PDIA4: variants seen among roughly 807,000 people sequenced by gnomAD.
PDIA4 encodes protein disulfide-isomerase A4.
Under a neutral mutation model 62.1 loss-of-function variants are expected in PDIA4, and 33 were observed. That is an observed-to-expected ratio of 0.53 (90% CI 0.40 to 0.71). The LOEUF (loss-of-function observed/expected upper bound fraction) is 0.71. Among genes scored for constraint, PDIA4 ranks in the 30% least tolerant of loss-of-function variants. The probability of loss-of-function intolerance (pLI) is 0.00; values close to 1 mark genes in which losing one functional copy is unlikely to be tolerated. For missense variants in PDIA4, 804 were observed against 813.6 expected (o/e 0.99, Z 0.14); for synonymous variants, 341 against 324.1 (o/e 1.05, Z -0.56).
chr7:149,027,509 G>A (rs569294017), intron 1 of PDIA4, among the ~76,000 whole-genome samples: 5 of 152,324 alleles, frequency 3.3e-5, no homozygotes, highest in African/African-American at 1.2e-4. Flanking sequence ...AGGGCAGAGA[G>A]GAAGAAGGTA....
At position 149,004,045 on chromosome 7, in the gene PDIA4, G is replaced by A. The variant is rs1352205376; in HGVS notation, c.1687C>T (p.Pro563Ser). ...TTCTTGGCCAGGCTGTTGTACACGG[G>A]CTCTAGCTGCTTGCAGTGCCCGCAC... Reference protein sequence around the residue: ...PWCGHCKQLEPVYNSLAKKYK... With the variant: ...PWCGHCKQLESVYNSLAKKYK... The change falls in exon 10 of 10, where the codon CCC becomes TCC. Residue 563 changes from proline (P) to serine (S), a missense_variant. Coordinates refer to ENST00000652332, the MANE Select transcript of PDIA4 (RefSeq NM_004911.5). 6.2e-7 allele frequency: 1 copy of A among 1,614,222 alleles called. No individual in the cohort carries two copies. The highest frequency in any genetic ancestry group is 2.2e-5 in the East Asian group (1 of 44,886).
At position 149,028,373 on chromosome 7, in the gene PDIA4, G is replaced by A. The variant is rs750883593; in HGVS notation, c.36C>T (p.Leu12=). ...RPRKAFLLLL[L]LGLVQLLAVA... ...CGGCCAGCAGCTGCACCAGCCCCAA[G>A]AGCAGCAGGAGCAGGAAGGCTTTCC... The change falls in exon 1 of 10, where the codon CTC becomes CTT. Residue 12 remains leucine, a synonymous_variant. Coordinates refer to ENST00000652332, the MANE Select transcript of PDIA4 (RefSeq NM_004911.5). 13 of 1,525,758 alleles carry A rather than the reference G, an allele frequency of 8.5e-6. No individual in the cohort carries two copies. Among genetic ancestry groups the A allele is most frequent in the South Asian group, 1.2e-5 (1 of 81,906 alleles). The allele number at this position is 1,525,758 out of a possible 1,614,324, so 94.5% of individuals were successfully genotyped here.
In PDIA4 at chr7:149,008,173, T is replaced by A; in HGVS notation, c.1117A>T (p.Met373Leu). ...GGCCCGCTTACCTGGACGTCCATCA[T>A]GTGGCTCCGGGGCTCATACTTGGAC... is the stretch of plus-strand genomic sequence containing the variant. ...FQSKYEPRSHMMDVQGSTQDS... is the reference protein window; with the variant it reads ...FQSKYEPRSHLMDVQGSTQDS... The change falls in exon 7 of 10, where the codon ATG becomes TTG. Residue 373 changes from methionine to leucine, a missense_variant. Met to Leu is a conservative substitution (Grantham distance 15, BLOSUM62 2). Coordinates refer to ENST00000652332, the MANE Select transcript of PDIA4 (RefSeq NM_004911.5). 1 of 1,613,804 alleles carries A rather than the reference T, an allele frequency of 6.2e-7. No homozygotes were observed.
In PDIA4 at chr7:149,012,079, C is replaced by CA. The variant is rs756102159; in HGVS notation, c.820+75dup. ...CCCATGGCCCATGCCTGCCAGCCCC[C>CA]AGCACCTTCAATGGCAGCTTCCTGT... is the stretch of plus-strand genomic sequence containing the variant. On this transcript the variant is annotated intron_variant, in intron 5 of 9. Coordinates refer to ENST00000652332, the MANE Select transcript of PDIA4 (RefSeq NM_004911.5). 859 of 1,607,686 alleles carry CA rather than the reference C, an allele frequency of 5.3e-4. 5 individuals carry two copies. The highest frequency in any genetic ancestry group is 9.3e-5 in the Non-Finnish European group (109 of 1,175,168).
chr7:149,008,037 G>C (rs1423201815), intron 7 of PDIA4, 122 bp downstream of exon 7: 1 of 909,390 alleles, frequency 1.1e-6, no homozygotes, highest in African/African-American at 1.7e-5. Flanking sequence ...GGCTGGAAAA[G>C]GAGTTCCAGA....
chr7:149,015,492 CAAAAAAAA>C (rs34656815), intron 3 of PDIA4, among the ~76,000 whole-genome samples: 5 of 104,420 alleles, frequency 4.8e-5, no homozygotes, highest in Admixed American at 3.1e-4. Flanking sequence ...AAGATGTATG[CAAAAAAAA>C]AAAAAAAAAA....
At chr7:149,011,650 C>A (rs1424018602) in intron 6 of PDIA4, among the ~76,000 whole-genome samples, 196 bp downstream of exon 6, 1 of 152,160 alleles carries the variant, frequency 6.6e-6, no homozygotes, top group Non-Finnish European at 1.5e-5. Flanking sequence ...CTCCCCTGCA[C>A]CGAGGCCAGG....
intron 3 of PDIA4, among the ~76,000 whole-genome samples, chr7:149,017,322 G>A (rs1585423721): frequency 2.0e-5 from 3 of 152,150 alleles, no homozygotes; most frequent in Admixed American, 6.6e-5. Flanking sequence ...AGTGGCTCAC[G>A]CCTATAATTC....
intron 1 of PDIA4, among the ~76,000 whole-genome samples, chr7:149,022,338 A>T (rs1824381458): frequency 2.0e-5 from 3 of 152,176 alleles, no homozygotes; most frequent in Admixed American, 2.0e-4. Flanking sequence ...TTGGAAGCTA[A>T]GTTTTCTTCC....
chr7:149,005,388 A>G lies in PDIA4; in HGVS notation c.1289-14T>C, dbSNP rs537874549. ...AAAACTGAGTTGCTGAAAGGGACCAAGGGCCATAAGCCAGGCGGCCACACA... is the reference window on the plus strand; with the variant it reads ...AAAACTGAGTTGCTGAAAGGGACCAGGGGCCATAAGCCAGGCGGCCACACA... On this transcript the variant is annotated splice_polypyrimidine_tract_variant and intron_variant, in intron 8 of 9. Coordinates refer to ENST00000652332, the MANE Select transcript of PDIA4 (RefSeq NM_004911.5). The G allele has an allele frequency of 7.9e-4, 1,257 of 1,583,536 alleles. 8 individuals carry two copies. In the South Asian group the frequency reaches 8.3e-3, roughly 10 times the overall value.
At chr7:149,021,585 T>G (rs1364386403) in intron 1 of PDIA4, among the ~76,000 whole-genome samples, 1 of 151,626 alleles carries the variant, frequency 6.6e-6, no homozygotes, top group Non-Finnish European at 1.5e-5. Flanking sequence ...CGTCATTGGC[T>G]GGTGACATCA....
chr7:149,027,193 G>C (rs555653937), intron 1 of PDIA4, among the ~76,000 whole-genome samples: 6 of 152,164 alleles, frequency 3.9e-5, no homozygotes, highest in Non-Finnish European at 8.8e-5. Flanking sequence ...AGTGTATTTT[G>C]GGTATCTGTA....
intron 1 of PDIA4, among the ~76,000 whole-genome samples, chr7:149,024,075 C>A (rs762435527): frequency 2.6e-5 from 4 of 152,204 alleles, no homozygotes; most frequent in East Asian, 1.9e-4. Context: ...GGCAAAACCC[C>A]GTCTTTACTA....
chr7:149,020,556 A>C (rs2129505386), intron 2 of PDIA4, among the ~76,000 whole-genome samples: 1 of 152,312 alleles, frequency 6.6e-6, no homozygotes, highest in African/African-American at 2.4e-5. Flanking sequence ...AACAGCCTGC[A>C]CTTGGGGCAG....
chr7:149,008,359 CTG>C, intron 6 of PDIA4, 49 bp from the exon 7 acceptor site: 1 of 1,573,334 alleles, frequency 6.4e-7, no homozygotes, highest in Non-Finnish European at 8.7e-7. Flanking sequence ...GCCTAAATGT[CTG>C]AGATTTAATT....
In PDIA4 at chr7:149,019,216, AGGGC is replaced by A. The variant is rs1165004333; in HGVS notation, c.270-23_270-20del. 1 of 1,568,074 alleles carries A rather than the reference AGGGC, an allele frequency of 6.4e-7. No homozygotes were observed. Among genetic ancestry groups the A allele is most frequent in the Non-Finnish European group, 8.8e-7 (1 of 1,138,052 alleles). On this transcript the variant is annotated intron_variant, in intron 2 of 9. Transcript: ENST00000652332. ...TCCACACCTAACAATTAGATTAGGA[AGGGC>A]AAAAAACGTTAACTGTACCTATGGG...
intron 1 of PDIA4, chr7:149,027,889 C>T (rs1290498390): frequency 2.1e-6 from 1 of 479,918 alleles, no homozygotes; most frequent in Non-Finnish European, 4.3e-6. Flanking sequence ...AAAGAACTCG[C>T]ACTTGTTTCT....
At chr7:149,028,203 A>T in intron 1 of PDIA4, 118 bp downstream of exon 1, 1 of 695,062 alleles carries the variant, frequency 1.4e-6, no homozygotes, top group Non-Finnish European at 2.3e-6. Context: ...GGCGCCCATC[A>T]CTAGTTCTGG....
chr7:149,019,197 C>T lies in PDIA4; in HGVS notation c.270G>A (p.Trp90Ter). The change falls in exon 3 of 10, where the codon TGG (tryptophan) becomes TGA (stop). Residue 90 changes from tryptophan to a stop codon, truncating the protein, a stop_gained and splice_region_variant. Transcript: ENST00000652332. LOFTEE classifies it high-confidence loss of function. ...DTVLLEFYAP[W>*]CGHCKQFAPE... is the part of the protein sequence containing the mutation. ...GAGCAAACTGCTTGCAATGTCCACA[C>T]CTAACAATTAGATTAGGAAGGGCAA... 1 of 1,609,300 alleles carries T rather than the reference C, an allele frequency of 6.2e-7. No individual in the cohort carries two copies. The highest frequency in any genetic ancestry group is 8.5e-7 in the Non-Finnish European group (1 of 1,175,646).
Sources: gnomAD v4.1 joint callset for allele counts (sites outside exome capture counted in the v4.1 genomes callset) on GRCh38, gnomAD v4.1.1 for gene constraint, MANE v1.5 for transcripts, NCBI Gene and HGNC (gene_info 2026-07-23, HGNC 2026-07-21) for gene names.